KIAA1614: variants seen among roughly 807,000 people sequenced by gnomAD.
KIAA1614 encodes uncharacterized protein KIAA1614.
In KIAA1614, 76 loss-of-function variants were observed where a neutral mutation model predicts 88.7. The observed-to-expected ratio is 0.86, with a 90% CI of 0.71 to 1.04. KIAA1614 has a LOEUF of 1.04. Ranked by LOEUF, KIAA1614 falls within the 50% of genes least tolerant of loss-of-function variation. The pLI, the probability that KIAA1614 is intolerant of heterozygous loss-of-function variation, is 0.00. For missense variants in KIAA1614, 1,553 were observed against 1,582.5 expected (o/e 0.98, Z 0.32); for synonymous variants, 714 against 675.5 (o/e 1.06, Z -0.88).
In KIAA1614 at chr1:180,938,581, G is replaced by A. The variant is rs1654382840; in HGVS notation, c.2788G>A (p.Ala930Thr). Residue 930 changes from alanine to threonine, a missense_variant, in exon 6 of 9, where the codon GCA becomes ACA. By Grantham distance (58) the Ala-to-Thr change is moderately conservative (BLOSUM62 0). Coordinates refer to ENST00000367588, the MANE Select transcript of KIAA1614 (RefSeq NM_020950.2). ...AGGACCCCAGGGCTTTCTTGGCTCA[G>A]CAGATGTTGCCACCATCAACTCCAC... ...DGGPQGFLGSADVATINSTGI... is the reference protein window; with the variant it reads ...DGGPQGFLGSTDVATINSTGI... 1 of 1,614,034 alleles carries A rather than the reference G, an allele frequency of 6.2e-7. No homozygotes were observed. Among genetic ancestry groups the A allele is most frequent in the Non-Finnish European group, 8.5e-7 (1 of 1,180,000 alleles).
At chr1:180,917,285 T>C (rs1033488050) in intron 2 of KIAA1614, among the ~76,000 whole-genome samples, 185 bp downstream of exon 2, 1 of 152,204 alleles carries the variant, frequency 6.6e-6, no homozygotes, top group African/African-American at 2.4e-5. Flanking sequence ...CTTTGCAGCC[T>C]CACAGGCAGC....
chr1:180,935,429 CG>C lies in KIAA1614; in HGVS notation c.1524del (p.Gln509ArgfsTer68). On this transcript the variant is annotated frameshift_variant, in exon 5 of 9. Transcript: ENST00000367588. LOFTEE classifies it high-confidence loss of function. This position sits in a 1 kb window ranked among gnomAD's most constrained non-coding sequence, Gnocchi z 6.1. ...AACGGGGCTCCCCGGCTCCGGGACG[CG>C]GGGCAGGGGACATTCCACAGGCTTG... ...YINGAPRLRDAGQGTFHRLVG... is the reference protein window; with the variant it reads ...YINGAPRLRDXGQGTFHRLVG... 1 of 1,471,724 alleles carries C rather than the reference CG, an allele frequency of 6.8e-7. No individual in the cohort carries two copies. Among genetic ancestry groups the C allele is most frequent in the South Asian group, 1.4e-5 (1 of 71,198 alleles). The allele number at this position is 1,471,724 out of a possible 1,614,324, so 91.2% of individuals were successfully genotyped here.
intron 8 of KIAA1614, 180 bp from the exon 9 acceptor site, chr1:180,945,123 G>A (rs762889234): frequency 7.3e-5 from 46 of 627,160 alleles, no homozygotes; most frequent in Non-Finnish European, 9.7e-5. Context: ...CTTGCACAGC[G>A]GCGGAAACCC....
chr1:180,936,831 G>A (rs1243412631), intron 5 of KIAA1614, among the ~76,000 whole-genome samples, 161 bp downstream of exon 5: 2 of 152,212 alleles, frequency 1.3e-5, no homozygotes, highest in African/African-American at 4.8e-5. Context: ...CCTTGGAGCT[G>A]CTCTGAGGTG....
chr1:180,922,097 C>A (rs1265250188), intron 3 of KIAA1614, among the ~76,000 whole-genome samples: 2 of 152,238 alleles, frequency 1.3e-5, no homozygotes, highest in Admixed American at 6.5e-5. Context: ...GCCTCCTCGG[C>A]CGTCTCCATA....
chr1:180,913,874 A>G (rs1426417859), intron 1 of KIAA1614: 1 of 152,260 alleles, frequency 6.6e-6, no homozygotes, highest in Admixed American at 6.5e-5. Context: ...GCTGCATTCT[A>G]GATTAACTCA....
intron 3 of KIAA1614, 65 bp downstream of exon 3, chr1:180,917,979 C>A: frequency 7.1e-7 from 1 of 1,399,166 alleles, no homozygotes; most frequent in Non-Finnish European, 1.0e-6. Flanking sequence ...ATTTACTCAG[C>A]ATCAGGACAG....
chr1:180,915,050 C>T (rs1029266178), intron 1 of KIAA1614, among the ~76,000 whole-genome samples: 9 of 152,156 alleles, frequency 5.9e-5, no homozygotes, highest in African/African-American at 1.2e-4. Context: ...GTGATCCACC[C>T]GCCTCAGCCT....
rs925460037 is a variant in KIAA1614, at chr1:180,912,898, C to T, written c.-346C>T. Among the ~76,000 whole-genome samples, 2 of 151,914 alleles carry T rather than the reference C, an allele frequency of 1.3e-5. No individual in the cohort carries two copies. The highest frequency in any genetic ancestry group is 4.8e-5 in the African/African-American group (2 of 41,416). On this transcript the variant is annotated 5_prime_UTR_variant, in exon 1 of 9. Transcript: ENST00000367588. This position sits in a 1 kb window ranked among gnomAD's most constrained non-coding sequence, Gnocchi z 5.1. ...GGCCGGGAAGGCGCGGGCTTGGCCGCTCTTCCCCTCCACGGCAAAGCCGTG... is the reference window on the plus strand; with the variant it reads ...GGCCGGGAAGGCGCGGGCTTGGCCGTTCTTCCCCTCCACGGCAAAGCCGTG...
intron 3 of KIAA1614, among the ~76,000 whole-genome samples, chr1:180,923,162 T>C (rs1286587514): frequency 6.6e-6 from 1 of 152,206 alleles, no homozygotes; most frequent in Non-Finnish European, 1.5e-5. Flanking sequence ...GCCAGTCCTT[T>C]GGGTGTTTGT....
intron 6 of KIAA1614, among the ~76,000 whole-genome samples, chr1:180,939,864 G>A (rs944844754): frequency 6.6e-6 from 1 of 152,056 alleles, no homozygotes; most frequent in Non-Finnish European, 1.5e-5. Context: ...CTACACCCAA[G>A]CCTCATGGCC....
At chr1:180,930,003 G>A (rs1654158566) in intron 4 of KIAA1614, among the ~76,000 whole-genome samples, 1 of 152,196 alleles carries the variant, frequency 6.6e-6, no homozygotes, top group Admixed American at 6.5e-5. Context: ...AGAGGTCATT[G>A]TGACCCTTAG....
intron 8 of KIAA1614, chr1:180,944,815 TAG>T (rs377014094): frequency 4.2e-4 from 111 of 262,952 alleles, no homozygotes; most frequent in African/African-American, 2.1e-3. Context: ...TCAGAAAGTT[TAG>T]AGAGTTTTCT....
chr1:180,942,597 G>A (rs905845772), intron 7 of KIAA1614, among the ~76,000 whole-genome samples: 1 of 152,248 alleles, frequency 6.6e-6, no homozygotes, highest in African/African-American at 2.4e-5. Context: ...AGAAACCGCC[G>A]CAGATATTGA....
chr1:180,920,978 G>A (rs963266451), intron 3 of KIAA1614, among the ~76,000 whole-genome samples: 1 of 152,222 alleles, frequency 6.6e-6, no homozygotes, highest in East Asian at 1.9e-4. Context: ...TATGCTAAGT[G>A]CTGTTCCTTC....
Position 180,916,603 on chromosome 1 carries a change from C to T in KIAA1614, c.500C>T (p.Pro167Leu), listed in dbSNP as rs757114383. ...GAGCAACCCGCCAGGGATGGAGGCC[C>T]CAGGCTTCCCAGGCCGCCTGCCCCT... is the stretch of plus-strand genomic sequence containing the variant. The part of the protein sequence containing the change: ...NEEQPARDGG[P>L]RLPRPPAPGR... The change falls in exon 2 of 9, where the codon CCC becomes CTC. Residue 167 changes from proline (P) to leucine (L), a missense_variant. By Grantham distance (98) the Pro-to-Leu change is moderately conservative. Coordinates refer to ENST00000367588, the MANE Select transcript of KIAA1614 (RefSeq NM_020950.2). 1 of 1,602,990 alleles carries T rather than the reference C, an allele frequency of 6.2e-7. No individual in the cohort carries two copies. Among genetic ancestry groups the T allele is most frequent in the Admixed American group, 1.7e-5 (1 of 59,324 alleles).
rs1273657515 is a variant in KIAA1614, at chr1:180,948,931, A to T, written c.*3343A>T. On this transcript the variant is annotated 3_prime_UTR_variant, in exon 9 of 9. Transcript: ENST00000367588. ...CTTCGGTGAAGATCAGTGCTCTTTCAAACCCACACTTCAGAGGCAGGCTTT... is the reference window on the plus strand; with the variant it reads ...CTTCGGTGAAGATCAGTGCTCTTTCTAACCCACACTTCAGAGGCAGGCTTT... The T allele has an allele frequency of 6.6e-6, 1 of 152,258 alleles. No homozygotes were observed. The highest frequency in any genetic ancestry group is 1.5e-5 in the Non-Finnish European group (1 of 68,058). 9.4% of individuals were successfully genotyped at this position (152,258 alleles called of 1,614,324 possible). A position where few individuals can be genotyped will look rare whatever the true frequency, so the allele number is the denominator to read the frequency against.
At chr1:180,923,702 G>A (rs571349131) in intron 3 of KIAA1614, among the ~76,000 whole-genome samples, 47 of 152,204 alleles carry the variant, frequency 3.1e-4, no homozygotes, top group Non-Finnish European at 5.4e-4. Flanking sequence ...GAGGCACGTC[G>A]TAAAGAGTGT....
chr1:180,941,878 C>T (rs1052442538), intron 7 of KIAA1614, among the ~76,000 whole-genome samples: 5 of 152,318 alleles, frequency 3.3e-5, no homozygotes. Context: ...CGCTTGACCC[C>T]GGTTGCAGCT....
Sources: allele counts gnomAD v4.1 joint callset (sites outside exome capture counted in the v4.1 genomes callset), GRCh38; gene constraint gnomAD v4.1.1; non-coding constraint Gnocchi (gnomAD v3.1); transcripts MANE v1.5; gene names NCBI Gene and HGNC (gene_info 2026-07-23, HGNC 2026-07-21).